FHIT: variants seen among roughly 807,000 people sequenced by gnomAD.
FHIT encodes the protein fragile histidine triad diadenosine triphosphatase, also known as bis(5'-adenosyl)-triphosphatase.
FHIT carries 19 observed loss-of-function variants against 17.9 expected under a neutral mutation model. That is an observed-to-expected ratio of 1.06 (90% confidence interval 0.74 to 1.56). FHIT has a LOEUF of 1.56. Ranked by LOEUF, FHIT falls within the 40% of genes most tolerant of loss-of-function variation. The probability of loss-of-function intolerance (pLI) is 0.00; values close to 1 mark genes in which losing one functional copy is unlikely to be tolerated. For synonymous variants in FHIT, 81 were observed against 69.7 expected (o/e 1.16, Z -0.81); for missense variants, 248 against 189.2 (o/e 1.31, Z -1.82).
intron 5 of FHIT, among the ~76,000 whole-genome samples, chr3:60,084,318 C>G (rs1300239372): frequency 6.6e-6 from 1 of 152,138 alleles, no homozygotes; most frequent in Non-Finnish European, 1.5e-5. Context: ...GGAGTCTTAA[C>G]AGTGCTGAAA....
intron 5 of FHIT, among the ~76,000 whole-genome samples, chr3:60,530,114 A>G (rs750726152): frequency 2.6e-5 from 4 of 152,168 alleles, no homozygotes; most frequent in Non-Finnish European, 4.4e-5. Context: ...CTAGAAGGTA[A>G]AACATAGTAT....
chr3:60,688,831 G>T (rs1358233329), intron 4 of FHIT, among the ~76,000 whole-genome samples: 2 of 152,112 alleles, frequency 1.3e-5, no homozygotes, highest in Admixed American at 1.3e-4. Flanking sequence ...CTTATTTCAT[G>T]CTTTGTGTAG....
chr3:60,156,208 A>C (rs549298677), intron 5 of FHIT, among the ~76,000 whole-genome samples: 24 of 151,784 alleles, frequency 1.6e-4, no homozygotes, highest in Admixed American at 5.9e-4. Context: ...AAAAATTAGC[A>C]GGGCGTGGTG....
At chr3:61,217,269 C>T (rs1324287185) in intron 1 of FHIT, among the ~76,000 whole-genome samples, 1 of 152,160 alleles carries the variant, frequency 6.6e-6, no homozygotes, top group Non-Finnish European at 1.5e-5. Flanking sequence ...CCTGAGGCTT[C>T]CGCTAGCAGA....
intron 7 of FHIT, among the ~76,000 whole-genome samples, chr3:59,938,452 G>T (rs1275275190): frequency 6.6e-6 from 1 of 152,092 alleles, no homozygotes; most frequent in Admixed American, 6.6e-5. Flanking sequence ...CAGCAGATTT[G>T]TAGGAAGAAC....
chr3:60,792,833 C>CTT (rs34640191), intron 4 of FHIT, among the ~76,000 whole-genome samples: 2,706 of 144,138 alleles, frequency 0.019, 41 homozygotes, highest in African/African-American at 0.038. Flanking sequence ...AAAACAATTT[C>CTT]TTTTTTTTTT....
intron 4 of FHIT, chr3:60,690,418 G>A: frequency 3.4e-6 from 2 of 580,398 alleles, no homozygotes; most frequent in Non-Finnish European, 6.8e-6. Flanking sequence ...TCCAGCATTT[G>A]CCATGGACAG....
chr3:60,814,532 T>C (rs942809885), intron 4 of FHIT, among the ~76,000 whole-genome samples: 4 of 152,172 alleles, frequency 2.6e-5, no homozygotes, highest in African/African-American at 9.7e-5. Flanking sequence ...GCAAAGGACA[T>C]GATTCGATTC....
In FHIT at chr3:60,530,624, C is replaced by G. The variant is rs544395258; in HGVS notation, c.103+6236G>C. Among the ~76,000 whole-genome samples, 373 of 152,294 alleles carry G rather than the reference C, an allele frequency of 2.4e-3. 1 individual carries two copies. The highest frequency in any genetic ancestry group is 5.2e-3 in the Admixed American group (79 of 15,298). ...ACTGCCTTCTGACCCCACGTGCAGC[C>G]TGAGTCCTCAACCTTGGCAGCTCAC... On this transcript the variant is annotated intron_variant, in intron 5 of 9. Transcript: ENST00000492590.
intron 4 of FHIT, among the ~76,000 whole-genome samples, chr3:60,707,344 T>C (rs1375945224): frequency 6.6e-6 from 1 of 152,224 alleles, no homozygotes; most frequent in Admixed American, 6.5e-5. Context: ...CAGGCATATA[T>C]TCTCTCTCTG....
At chr3:60,520,250 A>T (rs1177412884) in intron 5 of FHIT, among the ~76,000 whole-genome samples, 1 of 152,088 alleles carries the variant, frequency 6.6e-6, no homozygotes, top group African/African-American at 2.4e-5. Flanking sequence ...GTTTTTTTTC[A>T]AATTGTCACA....
chr3:60,851,842 G>A (rs1304062951), intron 3 of FHIT, among the ~76,000 whole-genome samples: 2 of 152,008 alleles, frequency 1.3e-5, no homozygotes, highest in Non-Finnish European at 2.9e-5. Context: ...CTATGGTATA[G>A]TTAAACTTGT....
chr3:59,835,811 A>G (rs1253420308), intron 8 of FHIT, among the ~76,000 whole-genome samples: 1 of 152,188 alleles, frequency 6.6e-6, no homozygotes, highest in Non-Finnish European at 1.5e-5. Flanking sequence ...GCCAGCCTAT[A>G]ATGAAATTCT....
intron 8 of FHIT, among the ~76,000 whole-genome samples, chr3:59,825,591 GA>G (rs1465250457): frequency 6.6e-6 from 1 of 152,164 alleles, no homozygotes; most frequent in Non-Finnish European, 1.5e-5. Flanking sequence ...TGAATACTCA[GA>G]AAAATGCTCA....
intron 5 of FHIT, among the ~76,000 whole-genome samples, chr3:60,404,232 A>C (rs1388375683): frequency 6.6e-6 from 1 of 152,200 alleles, no homozygotes; most frequent in Non-Finnish European, 1.5e-5. Context: ...TCAAAATGCC[A>C]AGAACCTGGA....
intron 4 of FHIT, among the ~76,000 whole-genome samples, chr3:60,658,937 T>C (rs977652439): frequency 1.3e-4 from 20 of 151,850 alleles, no homozygotes; most frequent in Admixed American, 7.9e-4. Context: ...ACAGAGCATG[T>C]GTAGTGGTAA....
intron 5 of FHIT, among the ~76,000 whole-genome samples, chr3:60,159,039 A>G (rs1257981611): frequency 6.6e-6 from 1 of 151,958 alleles, no homozygotes; most frequent in Non-Finnish European, 1.5e-5. Context: ...AACCTTTTTC[A>G]TTATTACCCC....
At chr3:61,177,728 TG>T (rs2038202775) in intron 2 of FHIT, among the ~76,000 whole-genome samples, 1 of 152,188 alleles carries the variant, frequency 6.6e-6, no homozygotes, top group Non-Finnish European at 1.5e-5. Flanking sequence ...CTCACATGAC[TG>T]ATACGTTTGC....
chr3:61,044,275 G>C (rs1029243107), intron 2 of FHIT, among the ~76,000 whole-genome samples: 1 of 152,176 alleles, frequency 6.6e-6, no homozygotes, highest in African/African-American at 2.4e-5. Context: ...AACCAGTGTA[G>C]AGAAGTCCTT....
Sources: gnomAD v4.1 joint callset for allele counts (sites outside exome capture counted in the v4.1 genomes callset) on GRCh38, gnomAD v4.1.1 for gene constraint, MANE v1.5 for transcripts, NCBI Gene and HGNC (gene_info 2026-07-23, HGNC 2026-07-21) for gene names.